COBL: variants seen among roughly 807,000 people sequenced by gnomAD.
The protein encoded by COBL is protein cordon-bleu.
A neutral mutation model predicts 98.8 loss-of-function variants in COBL; 51 were observed. The observed-to-expected ratio is 0.52, with a 90% CI of 0.41 to 0.65. The LOEUF (loss-of-function observed/expected upper bound fraction) is 0.65, where lower values mean the gene tolerates loss of function less well. Among genes scored for constraint, COBL ranks in the 30% least tolerant of loss-of-function variants. COBL has a pLI of 0.00. For missense variants in COBL, 1,617 were observed against 1,617.5 expected (o/e 1.00, Z 0.01); for synonymous variants, 634 against 651.7 (o/e 0.97, Z 0.41).
intron 2 of COBL, among the ~76,000 whole-genome samples, chr7:51,201,353 G>A (rs1479023224): frequency 2.0e-5 from 3 of 151,896 alleles, no homozygotes; most frequent in Non-Finnish European, 2.9e-5. Context: ...AGTGACAAAC[G>A]TCATTATATA....
chr7:51,294,431 G>A (rs1801214355), intron 1 of COBL, among the ~76,000 whole-genome samples: 1 of 151,622 alleles, frequency 6.6e-6, no homozygotes, highest in Non-Finnish European at 1.5e-5. Flanking sequence ...TCAGAAGGTA[G>A]AGACCAGCCT....
chr7:51,190,741 A>T, intron 4 of COBL, 109 bp downstream of exon 4: 1 of 836,166 alleles, frequency 1.2e-6, no homozygotes, highest in Non-Finnish European at 1.9e-6. Context: ...TCATGTACCC[A>T]TCTCTCCCTG....
chr7:51,068,487 T>G (rs531616016), intron 7 of COBL, among the ~76,000 whole-genome samples: 32 of 152,346 alleles, frequency 2.1e-4, no homozygotes, highest in Non-Finnish European at 4.1e-4. Flanking sequence ...TTTGCTAACT[T>G]TCCCATTCGA....
At chr7:51,152,170 C>T (rs10250197) in intron 5 of COBL, among the ~76,000 whole-genome samples, 10 of 152,160 alleles carry the variant, frequency 6.6e-5, no homozygotes, top group African/African-American at 2.2e-4. Context: ...ACTCTGGCTA[C>T]GCACAAGGGA....
intron 2 of COBL, among the ~76,000 whole-genome samples, chr7:51,209,143 C>G (rs1792152922): frequency 6.6e-6 from 1 of 151,450 alleles, no homozygotes; most frequent in Admixed American, 6.6e-5. Flanking sequence ...TGAGCATGAG[C>G]TGCAGGGCCC....
intron 1 of COBL, among the ~76,000 whole-genome samples, chr7:51,313,783 A>C (rs191376988): frequency 1.8e-3 from 270 of 152,366 alleles, no homozygotes; most frequent in Middle Eastern, 6.8e-3. Context: ...GACAAACGCA[A>C]AGTAAACAGA....
At chr7:51,302,577 G>A (rs1308023175) in intron 1 of COBL, among the ~76,000 whole-genome samples, 8 of 126,368 alleles carry the variant, frequency 6.3e-5, no homozygotes, top group South Asian at 2.8e-4. Flanking sequence ...GCGAAACTCC[G>A]TCTCAAAAAA....
rs534979893 is a variant in COBL at position 51,029,327 on chromosome 7, T to A, written c.1769A>T (p.His590Leu). The change falls in exon 10 of 13, where the codon CAT (histidine) becomes CTT (leucine). Residue 590 changes from histidine to leucine, a missense_variant. Around this residue, in one of 3 missense-constraint regions of COBL, gnomAD observed 1,304 missense variants for 1,282.0 expected, o/e 1.02. Coordinates refer to ENST00000265136, the MANE Select transcript of COBL (RefSeq NM_015198.5). ...AGGTACTTCCTCCCTTGCCTTTTCA[T>A]GGGGCTGGCTGTGCTCAGCTTGAAG... Reference protein sequence around the residue: ...APLQAEHSQPHEKAREEVPAL... With the variant: ...APLQAEHSQPLEKAREEVPAL... 1.2e-6 allele frequency: 2 copies of A among 1,601,032 alleles called. No individual in the cohort carries two copies. The highest frequency in any genetic ancestry group is 3.4e-5 in the Admixed American group (2 of 59,302).
chr7:51,153,649 C>T (rs988486119), intron 5 of COBL, among the ~76,000 whole-genome samples: 1 of 152,176 alleles, frequency 6.6e-6, no homozygotes, highest in African/African-American at 2.4e-5. Context: ...TGAACTCACA[C>T]GACTTCTTTA....
intron 6 of COBL, among the ~76,000 whole-genome samples, chr7:51,110,587 T>TA (rs1796733522): frequency 6.6e-6 from 1 of 152,214 alleles, no homozygotes; most frequent in Non-Finnish European, 1.5e-5. Flanking sequence ...TGGTATTTGG[T>TA]TACATAAGTT....
chr7:51,272,808 C>T (rs1343242071), intron 1 of COBL, among the ~76,000 whole-genome samples: 2 of 152,146 alleles, frequency 1.3e-5, no homozygotes, highest in African/African-American at 4.8e-5. Context: ...CCAAGACAAG[C>T]CATTGGGCTA....
chr7:51,299,343 G>C (rs1801704149), intron 1 of COBL, among the ~76,000 whole-genome samples: 1 of 152,210 alleles, frequency 6.6e-6, no homozygotes, highest in Non-Finnish European at 1.5e-5. Context: ...CAAATCCTTT[G>C]CTTCGATTTG....
chr7:51,109,334 G>C (rs991797109), intron 6 of COBL, among the ~76,000 whole-genome samples: 1 of 152,280 alleles, frequency 6.6e-6, no homozygotes, highest in Non-Finnish European at 1.5e-5. Flanking sequence ...CTGCCAGTGC[G>C]GTTCCTGTAG....
At chr7:51,181,935 C>G (rs1368182487) in intron 5 of COBL, among the ~76,000 whole-genome samples, 3 of 152,202 alleles carry the variant, frequency 2.0e-5, no homozygotes, top group Non-Finnish European at 4.4e-5. Context: ...GATGTGGTGT[C>G]TCCCCACACC....
chr7:51,067,550 A>G (rs1407393458), intron 7 of COBL, among the ~76,000 whole-genome samples: 4 of 152,204 alleles, frequency 2.6e-5, no homozygotes, highest in Admixed American at 2.6e-4. Context: ...GTGTGCATGT[A>G]TACACATACA....
intron 6 of COBL, among the ~76,000 whole-genome samples, chr7:51,108,393 G>A (rs1796513357): frequency 6.6e-6 from 1 of 152,212 alleles, no homozygotes; most frequent in African/African-American, 2.4e-5. Context: ...AAGGGATTCG[G>A]TTGGGGTGAG....
chr7:51,193,203 G>T (rs552695068), intron 3 of COBL, among the ~76,000 whole-genome samples, 176 bp downstream of exon 3: 1 of 152,280 alleles, frequency 6.6e-6, no homozygotes, highest in South Asian at 2.1e-4. Flanking sequence ...ATTCAATTGT[G>T]TACATTTTGT....
chr7:51,051,142 T>C (rs999764898), intron 7 of COBL, among the ~76,000 whole-genome samples: 1 of 152,200 alleles, frequency 6.6e-6, no homozygotes, highest in Non-Finnish European at 1.5e-5. Flanking sequence ...TACCAGTATA[T>C]GGCTAAACCA....
intron 1 of COBL, among the ~76,000 whole-genome samples, chr7:51,244,771 T>C (rs1796139227): frequency 6.6e-6 from 1 of 152,118 alleles, no homozygotes; most frequent in Non-Finnish European, 1.5e-5. Context: ...CATTATATCA[T>C]TGCTGCAGCC....
Sources: gnomAD v4.1 joint callset for allele counts (sites outside exome capture counted in the v4.1 genomes callset) on GRCh38, gnomAD v4.1.1 for gene constraint, gnomAD v4.1.1 regional missense constraint, MANE v1.5 for transcripts, NCBI Gene and HGNC (gene_info 2026-07-23, HGNC 2026-07-21) for gene names.